The following WNT2B variants were observed in gnomAD, a reference collection of about 807,000 sequenced individuals.
WNT2B encodes protein Wnt-2b.
Under a neutral mutation model 40.5 loss-of-function variants are expected in WNT2B, and 19 were observed. The observed-to-expected ratio is 0.47, with a 90% CI of 0.33 to 0.69. The LOEUF (loss-of-function observed/expected upper bound fraction) is 0.69. Ranked by LOEUF, WNT2B falls within the 30% of genes least tolerant of loss-of-function variation. The probability of loss-of-function intolerance (pLI) is 0.02; values close to 1 mark genes in which losing one functional copy is unlikely to be tolerated. For missense variants in WNT2B, 467 were observed against 556.4 expected, an observed-to-expected ratio of 0.84 and a Z score of 1.62; for synonymous variants, 220 against 211.9, an observed-to-expected ratio of 1.04 and a Z score of -0.33.
rs148385118 is a variant in WNT2B, at chr1:112,475,638, C to A, written c.-95+8047C>A. ...CGGCATAATATCACATGAAGCTAGA[C>A]CACAATAAGTTAAAGATGTACACAA... On this transcript the variant is annotated intron_variant, in intron 1 of 4. Coordinates refer to the WNT2B transcript ENST00000256640. 2.6e-4 allele frequency among the ~76,000 whole-genome samples: 39 copies of A among 151,662 alleles called. 1 individual carries two copies. In the East Asian group the frequency reaches 7.5e-3, roughly 29 times the overall value.
intron 1 of WNT2B, among the ~76,000 whole-genome samples, chr1:112,486,014 G>A (rs368061067): frequency 2.0e-5 from 3 of 152,062 alleles, no homozygotes; most frequent in South Asian, 2.1e-4. Flanking sequence ...GGTCATTTAT[G>A]TATTATCTTT....
chr1:112,509,253 T>G lies in WNT2B; in HGVS notation c.-10T>G. 6.6e-7 allele frequency: 1 copy of G among 1,513,484 alleles called. No individual in the cohort carries two copies. The highest frequency in any genetic ancestry group is 2.6e-5 in the East Asian group (1 of 38,302). 93.8% of individuals were successfully genotyped at this position (1,513,484 alleles called of 1,614,324 possible). A position where few individuals can be genotyped will look rare whatever the true frequency, so the allele number is the denominator to read the frequency against. On this transcript the variant is annotated 5_prime_UTR_variant, in exon 1 of 5. Transcript: ENST00000369684. This position sits in a 1 kb window ranked among gnomAD's most constrained non-coding sequence, Gnocchi z 4.2. ...CCTCCGGGCTGCGCGGCGGGAGTCTTCGGGGAGCTATGCTGAGACCGGGTG... is the reference window on the plus strand; with the variant it reads ...CCTCCGGGCTGCGCGGCGGGAGTCTGCGGGGAGCTATGCTGAGACCGGGTG...
intron 1 of WNT2B, among the ~76,000 whole-genome samples, chr1:112,486,963 G>A (rs1319845866): frequency 6.6e-6 from 1 of 152,138 alleles, no homozygotes; most frequent in Non-Finnish European, 1.5e-5. Flanking sequence ...GTTATCCCAT[G>A]CCTAGGTATT....
Position 112,520,278 on chromosome 1 carries a change from A to C in WNT2B, c.947-2A>C. 6.2e-7 allele frequency: 1 copy of C among 1,613,346 alleles called. No homozygotes were observed. Among genetic ancestry groups the C allele is most frequent in the Non-Finnish European group, 8.5e-7 (1 of 1,179,672 alleles). ...TCTCACTCCCTCTCTTCCCCAACCC[A>C]GGTTCCCTAGGCACTGCAGGCCGTG... On this transcript the variant is annotated splice_acceptor_variant, in intron 4 of 4. Transcript: ENST00000369684. LOFTEE classifies it high-confidence loss of function.
Position 112,527,951 on chromosome 1 carries a change from T to A in WNT2B, c.*7442T>A, listed in dbSNP as rs936836030. ...TCAATAGGCCTTCAAAATATTTGTG[T>A]GTAATAAGTAGACACAAGAGGCTGG... On this transcript the variant is annotated 3_prime_UTR_variant, in exon 5 of 5. Transcript: ENST00000369684. The A allele has an allele frequency of 6.6e-6, 1 of 152,182 alleles. No homozygotes were observed. Among genetic ancestry groups the A allele is most frequent in the African/African-American group, 2.4e-5 (1 of 41,438 alleles). 9.4% of individuals were successfully genotyped at this position (152,182 alleles called of 1,614,324 possible).
intron 1 of WNT2B, among the ~76,000 whole-genome samples, chr1:112,510,188 C>T (rs945031356): frequency 6.6e-6 from 1 of 151,982 alleles, no homozygotes; most frequent in African/African-American, 2.4e-5. Flanking sequence ...CCAGACACTT[C>T]ACAAGAGGGC....
chr1:112,493,598 G>T (rs1651672026), intron 1 of WNT2B, among the ~76,000 whole-genome samples: 1 of 151,846 alleles, frequency 6.6e-6, no homozygotes, highest in African/African-American at 2.4e-5. Flanking sequence ...CTCCAGTCTG[G>T]GCAACGGAGC....
intron 1 of WNT2B, among the ~76,000 whole-genome samples, chr1:112,477,111 G>C: frequency 6.6e-6 from 1 of 152,234 alleles, no homozygotes; most frequent in East Asian, 1.9e-4. Context: ...AGCAGCCTTT[G>C]CTGTTGCATT....
At chr1:112,495,712 T>C (rs1651742508) in intron 1 of WNT2B, among the ~76,000 whole-genome samples, 1 of 152,224 alleles carries the variant, frequency 6.6e-6, no homozygotes, top group South Asian at 2.1e-4. Context: ...ATATCTGTTG[T>C]CTATAAGAAA....
intron 1 of WNT2B, among the ~76,000 whole-genome samples, chr1:112,471,613 C>T (rs1472016908): frequency 1.3e-5 from 2 of 152,134 alleles, no homozygotes; most frequent in Non-Finnish European, 2.9e-5. Context: ...ATGCTAGCCA[C>T]GCCAATAGGA....
intron 3 of WNT2B, 47 bp from the exon 4 acceptor site, chr1:112,517,074 T>G: frequency 6.3e-7 from 1 of 1,580,278 alleles, no homozygotes; most frequent in Non-Finnish European, 8.6e-7. Flanking sequence ...GACTAAAATG[T>G]GTCCTGACCA....
intron 1 of WNT2B, among the ~76,000 whole-genome samples, chr1:112,477,791 A>G (rs185600421): frequency 7.0e-6 from 1 of 142,922 alleles, no homozygotes; most frequent in Admixed American, 7.2e-5. Context: ...AAATAATTTT[A>G]AAAAAAAATC....
rs1337495404 is a variant in WNT2B at position 112,526,010 on chromosome 1, G to A, written c.*5501G>A. On this transcript the variant is annotated 3_prime_UTR_variant, in exon 5 of 5. Coordinates refer to ENST00000369684, the MANE Select transcript of WNT2B (RefSeq NM_024494.3). ...GTCCAAGGTCACATGAACAGTGCGT[G>A]GCTCAGCCAGAACTCAAACCTAGGT... is the stretch of plus-strand genomic sequence containing the variant. The A allele has an allele frequency of 6.2e-7, 1 of 1,613,972 alleles. No individual in the cohort carries two copies.
chr1:112,521,122 ACATT>A lies in WNT2B; in HGVS notation c.*619_*622del, dbSNP rs1416848209. On this transcript the variant is annotated 3_prime_UTR_variant, in exon 5 of 5. Transcript: ENST00000369684. ...AAAAGAATCATAACAATACAAACAC[ACATT>A]CATTCTCTCTTTTTCTCTCTACCAT... 6.5e-6 allele frequency: 1 copy of A among 152,856 alleles called. No individual in the cohort carries two copies. Among genetic ancestry groups the A allele is most frequent in the Non-Finnish European group, 1.5e-5 (1 of 68,556 alleles). 9.5% of individuals were successfully genotyped at this position (152,856 alleles called of 1,614,324 possible).
chr1:112,470,282 A>G (rs567450144), intron 1 of WNT2B, among the ~76,000 whole-genome samples: 6 of 152,216 alleles, frequency 3.9e-5, no homozygotes, highest in African/African-American at 1.4e-4. Context: ...TTCCTTCAGC[A>G]CTTTAAATAT....
At chr1:112,499,936 T>C (rs351361) in intron 1 of WNT2B, among the ~76,000 whole-genome samples, 125,686 of 152,182 alleles carry the variant, frequency 0.83, 52,044 homozygotes, top group Middle Eastern at 0.87. Flanking sequence ...AGTGTCTTGA[T>C]CATTAATTCC....
At chr1:112,498,487 G>A (rs1351305655) in intron 1 of WNT2B, among the ~76,000 whole-genome samples, 2 of 151,618 alleles carry the variant, frequency 1.3e-5, no homozygotes, top group East Asian at 1.9e-4. Flanking sequence ...CACCCACCTC[G>A]GCCTCCCAAA....
chr1:112,476,578 C>T (rs1391076950), intron 1 of WNT2B, among the ~76,000 whole-genome samples: 4 of 152,160 alleles, frequency 2.6e-5, no homozygotes, highest in African/African-American at 9.7e-5. Context: ...TCCACCCCAT[C>T]CCCCAGTCCA....
chr1:112,510,584 A>G (rs567273937), intron 1 of WNT2B, among the ~76,000 whole-genome samples: 4 of 152,200 alleles, frequency 2.6e-5, no homozygotes, highest in Non-Finnish European at 1.5e-5. Flanking sequence ...GGTGAGGGGT[A>G]GCTGGCCGAG....
Sources: gnomAD v4.1 joint callset for allele counts (sites outside exome capture counted in the v4.1 genomes callset) on GRCh38, gnomAD v4.1.1 for gene constraint, Gnocchi (gnomAD v3.1) non-coding constraint, MANE v1.5 for transcripts, NCBI Gene and HGNC (gene_info 2026-07-23, HGNC 2026-07-21) for gene names.